TCTN3: variants seen among roughly 807,000 people sequenced by gnomAD.
TCTN3 encodes tectonic-3.
TCTN3 carries 57 observed loss-of-function variants against 71.3 expected under a neutral mutation model. The ratio of observed to expected loss-of-function variants is 0.80; its 90% confidence interval spans 0.65 to 1.00. The LOEUF (loss-of-function observed/expected upper bound fraction) is 1.00, where lower values mean the gene tolerates loss of function less well. TCTN3 is among the 50% of genes least tolerant of loss of function. The probability of loss-of-function intolerance (pLI) is 0.00; values close to 1 mark genes in which losing one functional copy is unlikely to be tolerated. For synonymous variants in TCTN3, 258 were observed against 267.8 expected, an observed-to-expected ratio of 0.96 and a Z score of 0.36; for missense variants, 696 against 719.9, an observed-to-expected ratio of 0.97 and a Z score of 0.38.
intron 13 of TCTN3, among the ~76,000 whole-genome samples, chr10:95,668,196 G>A (rs914326153): frequency 4.4e-5 from 6 of 136,404 alleles, no homozygotes; most frequent in Non-Finnish European, 7.8e-5. Context: ...GATAGACAAC[G>A]AGAGAAAAGA....
intron 13 of TCTN3, among the ~76,000 whole-genome samples, chr10:95,677,143 T>A (rs955544370): frequency 6.6e-5 from 10 of 152,186 alleles, no homozygotes; most frequent in African/African-American, 2.4e-4. Flanking sequence ...CTTATTGTTT[T>A]GGTTTCAATT....
Position 95,687,676 on chromosome 10 carries a change from G to A in TCTN3, c.543C>T (p.Thr181=), listed in dbSNP as rs2097949777. The change falls in exon 4 of 14, where the codon ACC becomes ACT. Residue 181 remains threonine (T), a synonymous_variant. Transcript: ENST00000371217. ...YFQKLQKVNA[T]NFQALAAEFG... ...ACTCTGCAGCCAGGGCCTGGAAGTT[G>A]GTTGCATTGACCTTTTGAAGCTTCT... The A allele has an allele frequency of 5.6e-6, 9 of 1,614,046 alleles. No individual in the cohort carries two copies. The highest frequency in any genetic ancestry group is 7.6e-6 in the Non-Finnish European group (9 of 1,179,952).
At chr10:95,693,283 C>T in intron 2 of TCTN3, 70 bp downstream of exon 2, 1 of 1,541,784 alleles carries the variant, frequency 6.5e-7, no homozygotes, top group East Asian at 2.4e-5. Context: ...ACTAACTCTT[C>T]TTACATCCAA....
intron 13 of TCTN3, among the ~76,000 whole-genome samples, chr10:95,667,858 A>G (rs1236216034): frequency 1.3e-5 from 2 of 152,218 alleles, no homozygotes; most frequent in Non-Finnish European, 2.9e-5. Flanking sequence ...GTCACCCACA[A>G]TCACAGAGCT....
chr10:95,675,939 T>C (rs2097936714), intron 13 of TCTN3, among the ~76,000 whole-genome samples: 1 of 152,236 alleles, frequency 6.6e-6, no homozygotes, highest in Non-Finnish European at 1.5e-5. Context: ...ATGTTGCATG[T>C]CTGCATTCTT....
chr10:95,684,631 T>G lies in TCTN3; in HGVS notation c.970-7A>C. ...TCTCTATCTCATAGGTGACCTGAAA[T>G]GCAAAAAGAATCAATTAATAAAAAG... On this transcript the variant is annotated splice_polypyrimidine_tract_variant and splice_region_variant and intron_variant, in intron 8 of 13. Coordinates refer to ENST00000371217, the MANE Select transcript of TCTN3 (RefSeq NM_015631.6). 6.2e-7 allele frequency: 1 copy of G among 1,611,536 alleles called. No individual in the cohort carries two copies. Among genetic ancestry groups the G allele is most frequent in the Non-Finnish European group, 8.5e-7 (1 of 1,179,090 alleles).
At chr10:95,680,287 A>AG (rs2097941590) in intron 13 of TCTN3, among the ~76,000 whole-genome samples, 185 bp downstream of exon 13, 1 of 101,748 alleles carries the variant, frequency 9.8e-6, no homozygotes, top group African/African-American at 4.6e-5. Flanking sequence ...TCATGACATC[A>AG]TGTTAATTTC....
chr10:95,684,525 G>GT lies in TCTN3; in HGVS notation c.1068dup (p.Gln357ThrfsTer23). The GT allele has an allele frequency of 2.5e-5, 41 of 1,614,076 alleles. No individual in the cohort carries two copies. The highest frequency in any genetic ancestry group is 3.4e-5 in the Non-Finnish European group (40 of 1,179,930). On this transcript the variant is annotated frameshift_variant, in exon 9 of 14. Coordinates refer to ENST00000371217, the MANE Select transcript of TCTN3 (RefSeq NM_015631.6). LOFTEE classifies it high-confidence loss of function. ...CTGAAGCGAAGGATGAAGTGTTGCT[G>GT]TAAGGAAGCGCCTGGCTCAACAGTC...
chr10:95,687,202 G>A, intron 5 of TCTN3, 43 bp from the exon 6 acceptor site: 1 of 1,611,798 alleles, frequency 6.2e-7, no homozygotes, highest in South Asian at 1.1e-5. Context: ...GAGAAAGCCT[G>A]TTTTAAATTG....
chr10:95,692,811 G>T, intron 3 of TCTN3, 109 bp downstream of exon 3: 1 of 758,822 alleles, frequency 1.3e-6, no homozygotes. Flanking sequence ...TATCGTTAGT[G>T]TATTTTACGT....
intron 13 of TCTN3, among the ~76,000 whole-genome samples, chr10:95,667,602 C>G (rs1227168994): frequency 6.6e-6 from 1 of 152,054 alleles, no homozygotes; most frequent in Non-Finnish European, 1.5e-5. Flanking sequence ...ACCACTTAAG[C>G]CAGAGAAATT....
chr10:95,664,306 G>A lies in TCTN3; in HGVS notation c.1591-6C>T. On this transcript the variant is annotated splice_polypyrimidine_tract_variant and splice_region_variant and intron_variant, in intron 13 of 13. Coordinates refer to ENST00000371217, the MANE Select transcript of TCTN3 (RefSeq NM_015631.6). Reference sequence around the variant, plus strand: ...TCTGTAACTTGCTGAGAATCCTACGGGAAGAAAGTCAATGACAGGTCAGCG... The same window carrying A: ...TCTGTAACTTGCTGAGAATCCTACGAGAAGAAAGTCAATGACAGGTCAGCG... 6.2e-7 allele frequency: 1 copy of A among 1,613,276 alleles called. No homozygotes were observed. Among genetic ancestry groups the A allele is most frequent in the South Asian group, 1.1e-5 (1 of 91,062 alleles).
intron 3 of TCTN3, among the ~76,000 whole-genome samples, chr10:95,691,889 G>A (rs1159406365): frequency 6.6e-6 from 1 of 152,184 alleles, no homozygotes; most frequent in Admixed American, 6.5e-5. Context: ...AAACGAGCCT[G>A]GAAATGCTAA....
chr10:95,670,739 T>G (rs1371403447), intron 13 of TCTN3, among the ~76,000 whole-genome samples: 2 of 152,104 alleles, frequency 1.3e-5, no homozygotes, highest in African/African-American at 4.8e-5. Flanking sequence ...CACGGCTCAC[T>G]GCACCCTCGA....
At chr10:95,679,873 A>G (rs2097941189) in intron 13 of TCTN3, among the ~76,000 whole-genome samples, 1 of 152,098 alleles carries the variant, frequency 6.6e-6, no homozygotes, top group Admixed American at 6.5e-5. Flanking sequence ...TACAGGCGTG[A>G]GCCACCGCGC....
At chr10:95,688,397 GAAAAAAAA>G (rs60722894) in intron 3 of TCTN3, among the ~76,000 whole-genome samples, 8 of 104,574 alleles carry the variant, frequency 7.7e-5, no homozygotes, top group Admixed American at 1.2e-4. Context: ...TCAAAAAAAA[GAAAAAAAA>G]AAAAAAAAAA....
chr10:95,689,976 G>A (rs572656053), intron 3 of TCTN3, among the ~76,000 whole-genome samples: 16 of 152,158 alleles, frequency 1.1e-4, no homozygotes, highest in African/African-American at 3.6e-4. Flanking sequence ...GATCATTATC[G>A]TAGATACATA....
Position 95,682,650 on chromosome 10 carries a change from C to G in TCTN3, c.1452+1G>C. ...ATCAGAAAGTATATTTCTCTCCTTA[C>G]TGAAATGCTGCAGTGCCTGTTGAGG... On this transcript the variant is annotated splice_donor_variant, in intron 12 of 13. Transcript: ENST00000371217. LOFTEE classifies it high-confidence loss of function. 1 of 1,610,126 alleles carries G rather than the reference C, an allele frequency of 6.2e-7. No homozygotes were observed. The highest frequency in any genetic ancestry group is 8.5e-7 in the Non-Finnish European group (1 of 1,178,844).
rs367982164 is a variant in TCTN3, at chr10:95,693,453, A to G, written c.280T>C (p.Leu94=). ...FPVLPICVCD[L]TPGACDINCC... is the part of the protein sequence containing the mutation. Reference sequence around the variant, plus strand: ...TTTATATCGCAGGCTCCAGGAGTCAAGTCACAGACACAGATCGGTAAGACT... The same window carrying G: ...TTTATATCGCAGGCTCCAGGAGTCAGGTCACAGACACAGATCGGTAAGACT... Residue 94 remains leucine (L), a synonymous_variant, in exon 2 of 14, where the codon TTG becomes CTG. Transcript: ENST00000371217. The G allele has an allele frequency of 1.0e-4, 155 of 1,552,212 alleles. No homozygotes were observed. The African/African-American group carries it at 1.8e-3, about 18-fold the overall frequency.
Sources: gnomAD v4.1 joint callset for allele counts (sites outside exome capture counted in the v4.1 genomes callset) on GRCh38, gnomAD v4.1.1 for gene constraint, MANE v1.5 for transcripts, NCBI Gene and HGNC (gene_info 2026-07-23, HGNC 2026-07-21) for gene names.